The following SPECC1 variants were observed in gnomAD, a reference collection of about 807,000 sequenced individuals.
SPECC1 encodes the protein cytospin-B.
In SPECC1, 62 loss-of-function variants were observed where a neutral mutation model predicts 104.1. That is an observed-to-expected ratio of 0.60 (90% CI 0.49 to 0.74). The LOEUF (loss-of-function observed/expected upper bound fraction) is 0.74, where lower values mean the gene tolerates loss of function less well. SPECC1 is among the 30% of genes least tolerant of loss of function. The pLI is 0.00. For synonymous variants in SPECC1, 513 were observed against 501.6 expected, an observed-to-expected ratio of 1.02 and a Z score of -0.30; for missense variants, 1,306 against 1,310.5, an observed-to-expected ratio of 1.00 and a Z score of 0.05.
chr17:20,241,158 C>G (rs1214817935), intron 7 of SPECC1, among the ~76,000 whole-genome samples: 1 of 152,182 alleles, frequency 6.6e-6, no homozygotes, highest in Admixed American at 6.6e-5. Flanking sequence ...TACAGAAGCC[C>G]AGGTAGAGTA....
intron 3 of SPECC1, among the ~76,000 whole-genome samples, chr17:20,120,785 G>A (rs79204686): frequency 1.3e-5 from 2 of 152,142 alleles, no homozygotes; most frequent in Non-Finnish European, 2.9e-5. Context: ...TAAATCTATA[G>A]TCAGCCTATA....
intron 1 of SPECC1, among the ~76,000 whole-genome samples, chr17:20,044,936 T>C (rs181617611): frequency 1.1e-3 from 174 of 152,374 alleles, no homozygotes; most frequent in African/African-American, 4.0e-3. Context: ...ATGTGTGCTG[T>C]GTGTGTTTAT....
chr17:20,099,006 G>T (rs2047790183), intron 2 of SPECC1, among the ~76,000 whole-genome samples: 1 of 152,162 alleles, frequency 6.6e-6, no homozygotes, highest in Non-Finnish European at 1.5e-5. Context: ...CGTGGGGCTG[G>T]CCTGAGTTGG....
intron 3 of SPECC1, among the ~76,000 whole-genome samples, chr17:20,119,706 A>C (rs982313962): frequency 6.6e-6 from 1 of 152,240 alleles, no homozygotes; most frequent in Non-Finnish European, 1.5e-5. Context: ...TGTCTGTTGC[A>C]GGTGTTATCA....
At chr17:20,099,396 A>C (rs1367751621) in intron 2 of SPECC1, among the ~76,000 whole-genome samples, 2 of 151,722 alleles carry the variant, frequency 1.3e-5, no homozygotes, top group Non-Finnish European at 2.9e-5. Flanking sequence ...GTTTAAAATA[A>C]GGCCTCGGCC....
intron 12 of SPECC1, among the ~76,000 whole-genome samples, chr17:20,279,240 T>C (rs1001411552): frequency 2.0e-5 from 3 of 152,228 alleles, no homozygotes; most frequent in East Asian, 1.9e-4. Context: ...AAGACACTTA[T>C]GATTTCACAG....
intron 12 of SPECC1, among the ~76,000 whole-genome samples, chr17:20,288,089 G>A (rs1290204553): frequency 6.6e-6 from 1 of 152,054 alleles, no homozygotes; most frequent in Non-Finnish European, 1.5e-5. Context: ...TGAGGAAAGG[G>A]GCTTCCAGCT....
In SPECC1 at chr17:20,246,020, T is replaced by C. The variant is rs1406882748; in HGVS notation, c.2446T>C (p.Ser816Pro). 2 of 1,614,000 alleles carry C rather than the reference T, an allele frequency of 1.2e-6. No individual in the cohort carries two copies. Among genetic ancestry groups the C allele is most frequent in the East Asian group, 4.5e-5 (2 of 44,862 alleles). Residue 816 changes from serine (S) to proline (P), a missense_variant, in exon 8 of 15, where the codon TCG (serine) becomes CCG (proline). This residue lies in a region of SPECC1 where 1,177 missense variants were observed against 1,139.9 expected (regional missense o/e 1.03). Coordinates refer to ENST00000395527, the MANE Select transcript of SPECC1 (RefSeq NM_001243439.2). ...CAGAACATCTCCAACACCCCCAGAG[T>C]CGGCAACCACCGTTAAGTCACTTAT... ...VSRTSPTPPESATTVKSLIKS... is the reference protein window; with the variant it reads ...VSRTSPTPPEPATTVKSLIKS...
At chr17:20,149,677 G>T (rs939631819) in intron 3 of SPECC1, among the ~76,000 whole-genome samples, 1 of 152,132 alleles carries the variant, frequency 6.6e-6, no homozygotes, top group African/African-American at 2.4e-5. Context: ...ATAGCTCTGA[G>T]TGCAACTGTG....
intron 9 of SPECC1, among the ~76,000 whole-genome samples, chr17:20,252,263 T>A (rs2151564868): frequency 6.6e-6 from 1 of 152,270 alleles, no homozygotes; most frequent in South Asian, 2.1e-4. Context: ...TAGAAAAATT[T>A]TTTTTTAAAT....
At chr17:20,027,977 A>G (rs2044659464) in intron 1 of SPECC1, among the ~76,000 whole-genome samples, 1 of 152,184 alleles carries the variant, frequency 6.6e-6, no homozygotes, top group Admixed American at 6.6e-5. Context: ...GTCATGTCTA[A>G]GAATTCTTTG....
At chr17:20,257,674 G>A (rs1000443529) in intron 11 of SPECC1, 67 bp downstream of exon 11, 35 of 1,577,742 alleles carry the variant, frequency 2.2e-5, no homozygotes, top group African/African-American at 1.9e-4. Context: ...TCTTCCTTCC[G>A]TTTTGTCCCC....
At chr17:20,109,195 C>T (rs892621722) in intron 2 of SPECC1, among the ~76,000 whole-genome samples, 1 of 152,220 alleles carries the variant, frequency 6.6e-6, no homozygotes, top group Non-Finnish European at 1.5e-5. Context: ...ACTTCTAACT[C>T]TCAGTAAATG....
intron 1 of SPECC1, among the ~76,000 whole-genome samples, chr17:20,031,729 T>C (rs1232188110): frequency 6.6e-6 from 1 of 152,226 alleles, no homozygotes; most frequent in East Asian, 1.9e-4. Flanking sequence ...CTACCCTAGG[T>C]ATTTCATACA....
chr17:20,260,638 CAA>C (rs1433627081), intron 12 of SPECC1, among the ~76,000 whole-genome samples: 2 of 152,168 alleles, frequency 1.3e-5, no homozygotes, highest in Admixed American at 6.5e-5. Flanking sequence ...GTCATGAGGC[CAA>C]AAGAGTTTTC....
At chr17:20,074,787 C>A (rs1452911365) in intron 1 of SPECC1, among the ~76,000 whole-genome samples, 2 of 152,126 alleles carry the variant, frequency 1.3e-5, no homozygotes, top group Non-Finnish European at 2.9e-5. Context: ...GAGGAGCCCC[C>A]AAGGCAGGAG....
chr17:20,167,459 C>G (rs1386135993), intron 3 of SPECC1, among the ~76,000 whole-genome samples: 2 of 152,054 alleles, frequency 1.3e-5, no homozygotes, highest in Non-Finnish European at 1.5e-5. Context: ...ATGGGCGGAT[C>G]ACCAAAGTCA....
intron 12 of SPECC1, among the ~76,000 whole-genome samples, chr17:20,278,074 A>G (rs1204202694): frequency 1.3e-5 from 2 of 151,836 alleles, no homozygotes; most frequent in East Asian, 1.9e-4. Context: ...AGTTGGACCC[A>G]TATTCCTGGC....
intron 4 of SPECC1, among the ~76,000 whole-genome samples, chr17:20,215,361 G>T (rs1175477813): frequency 6.6e-6 from 1 of 152,206 alleles, no homozygotes; most frequent in Non-Finnish European, 1.5e-5. Context: ...AAACTTGATT[G>T]AATGGACTAT....
Sources: allele counts gnomAD v4.1 joint callset (sites outside exome capture counted in the v4.1 genomes callset), GRCh38; gene constraint gnomAD v4.1.1; regional missense constraint gnomAD v4.1.1; transcripts MANE v1.5; gene names NCBI Gene and HGNC (gene_info 2026-07-23, HGNC 2026-07-21).